The following SERGEF variants were observed in gnomAD, a reference collection of about 807,000 sequenced individuals.
The protein encoded by SERGEF is secretion regulating guanine nucleotide exchange factor.
Under a neutral mutation model 50.0 loss-of-function variants are expected in SERGEF, and 51 were observed. The observed-to-expected ratio is 1.02, with a 90% CI of 0.81 to 1.29. SERGEF has a LOEUF of 1.29. Among genes scored for constraint, SERGEF ranks in the 50% most tolerant of loss-of-function variants. SERGEF has a pLI of 0.00. For missense variants in SERGEF, 521 were observed against 557.0 expected (o/e 0.94, Z 0.65); for synonymous variants, 205 against 212.4 (o/e 0.97, Z 0.30).
At chr11:17,890,342 T>C (rs756957357) in intron 9 of SERGEF, among the ~76,000 whole-genome samples, 4 of 152,160 alleles carry the variant, frequency 2.6e-5, no homozygotes, top group African/African-American at 7.2e-5. Context: ...GAGTGAGATA[T>C]AGAAGGAACT....
At chr11:17,847,908 A>G (rs1015844288) in intron 10 of SERGEF, among the ~76,000 whole-genome samples, 1 of 152,198 alleles carries the variant, frequency 6.6e-6, no homozygotes, top group African/African-American at 2.4e-5. Flanking sequence ...TGAACTGCCA[A>G]GTTTGAGAAC....
intron 10 of SERGEF, among the ~76,000 whole-genome samples, chr11:17,793,605 A>T (rs1240805423): frequency 6.6e-6 from 1 of 152,238 alleles, no homozygotes; most frequent in Admixed American, 6.5e-5. Flanking sequence ...TGGAACGTCC[A>T]GTTTTCAAAA....
intron 8 of SERGEF, among the ~76,000 whole-genome samples, chr11:17,976,823 C>A (rs1370011646): frequency 1.3e-5 from 2 of 152,240 alleles, no homozygotes; most frequent in Non-Finnish European, 2.9e-5. Context: ...ACACCCTTCC[C>A]AGAACCATCT....
At chr11:17,982,144 G>C (rs1057217147) in intron 8 of SERGEF, among the ~76,000 whole-genome samples, 19 of 152,118 alleles carry the variant, frequency 1.2e-4, no homozygotes, top group African/African-American at 4.3e-4. Flanking sequence ...GTCATTCCTG[G>C]TTCAGGTCCC....
intron 9 of SERGEF, among the ~76,000 whole-genome samples, chr11:17,885,929 T>A (rs565831961): frequency 1.3e-5 from 2 of 152,298 alleles, no homozygotes; most frequent in Admixed American, 1.3e-4. Flanking sequence ...CCACTTGCCT[T>A]GGCTATAGTT....
intron 10 of SERGEF, among the ~76,000 whole-genome samples, chr11:17,817,621 T>C (rs1337278418): frequency 6.6e-6 from 1 of 152,206 alleles, no homozygotes; most frequent in Non-Finnish European, 1.5e-5. Flanking sequence ...ATTAAATTAT[T>C]TGATCAATAT....
chr11:17,923,907 G>A (rs147174234), intron 9 of SERGEF, among the ~76,000 whole-genome samples: 57 of 152,290 alleles, frequency 3.7e-4, no homozygotes, highest in African/African-American at 1.3e-3. Context: ...GTGTCATACT[G>A]AACTTTATAT....
At chr11:18,011,565 T>C (rs893683937) in intron 1 of SERGEF, among the ~76,000 whole-genome samples, 1 of 152,182 alleles carries the variant, frequency 6.6e-6, no homozygotes. Context: ...TGGTATTTTG[T>C]TATGGTAGCC....
rs767301814 is a variant in SERGEF, at chr11:17,959,580, A to C, written c.901T>G (p.Leu301Val). 6.2e-7 allele frequency: 1 copy of C among 1,614,054 alleles called. No individual in the cohort carries two copies. The highest frequency in any genetic ancestry group is 1.1e-5 in the South Asian group (1 of 91,074). ...RADYGQLGRK[L>V]ETYEGWKLEK... is the part of the protein sequence containing the mutation. ...AGTTTCCAGCCTTCATAAGTCTCCA[A>C]CTTCCTCCCTAGCTGACCATAGTCT... Residue 301 changes from leucine (L) to valine (V), a missense_variant, in exon 9 of 11, where the codon TTG (leucine) becomes GTG (valine). Coordinates refer to ENST00000265965, the MANE Select transcript of SERGEF (RefSeq NM_012139.4).
chr11:17,883,905 C>T (rs373018791), intron 9 of SERGEF, among the ~76,000 whole-genome samples: 7 of 135,974 alleles, frequency 5.1e-5, no homozygotes, highest in African/African-American at 1.4e-4. Flanking sequence ...GGCGACAGAA[C>T]GCCGCCAGAT....
chr11:17,993,072 C>T, intron 6 of SERGEF, 79 bp from the exon 7 acceptor site: 1 of 1,192,984 alleles, frequency 8.4e-7, no homozygotes, highest in Non-Finnish European at 1.2e-6. Context: ...CAGCCAGTAC[C>T]ACCTGGGCGT....
chr11:17,851,289 T>C (rs546537320), intron 10 of SERGEF, among the ~76,000 whole-genome samples: 14 of 152,312 alleles, frequency 9.2e-5, no homozygotes, highest in Non-Finnish European at 1.6e-4. Flanking sequence ...ACTGTTAAGT[T>C]ACAGAGTTAG....
chr11:17,993,028 T>A, intron 6 of SERGEF, 35 bp from the exon 7 acceptor site: 1 of 1,586,404 alleles, frequency 6.3e-7, no homozygotes, highest in East Asian at 2.2e-5. Flanking sequence ...GAATTACATT[T>A]ATAACAGAAC....
intron 9 of SERGEF, among the ~76,000 whole-genome samples, chr11:17,906,687 G>C (rs1851848339): frequency 6.6e-6 from 1 of 152,172 alleles, no homozygotes; most frequent in African/African-American, 2.4e-5. Flanking sequence ...CTCCTGGCAT[G>C]CCAATCAGAT....
rs572052988 is a variant in SERGEF at position 17,948,017 on chromosome 11, A to G, written c.1011+11453T>C. Among the ~76,000 whole-genome samples, 7 of 150,772 alleles carry G rather than the reference A, an allele frequency of 4.6e-5. No individual in the cohort carries two copies. In the South Asian group the frequency reaches 1.5e-3, roughly 32 times the overall value. On this transcript the variant is annotated intron_variant, in intron 9 of 10. Coordinates refer to ENST00000265965, the MANE Select transcript of SERGEF (RefSeq NM_012139.4). ...ACCCAGGCTGGAGTACAGTAGCACA[A>G]TCTCAGCTAACTGCAACCTCCATTT...
At chr11:17,816,942 C>G (rs1247482557) in intron 10 of SERGEF, among the ~76,000 whole-genome samples, 1 of 152,116 alleles carries the variant, frequency 6.6e-6, no homozygotes, top group Non-Finnish European at 1.5e-5. Context: ...TGTGATATAC[C>G]AAATGGTCCT....
rs779247412 is a variant in SERGEF at position 17,788,071 on chromosome 11, T to C, written c.*14A>G. On this transcript the variant is annotated 3_prime_UTR_variant, in exon 11 of 11. Transcript: ENST00000265965. ...GCTTTTGGTGGGAAAAGCCACTTTA[T>C]TAAAGATTCTCTATCACAGTCCCCC... is the stretch of plus-strand genomic sequence containing the variant. 2 of 1,504,368 alleles carry C rather than the reference T, an allele frequency of 1.3e-6. No individual in the cohort carries two copies. The highest frequency in any genetic ancestry group is 2.7e-5 in the South Asian group (2 of 72,962). 93.2% of individuals were successfully genotyped at this position (1,504,368 alleles called of 1,614,324 possible).
At chr11:17,859,502 G>A (rs1008996992) in intron 10 of SERGEF, among the ~76,000 whole-genome samples, 7 of 151,966 alleles carry the variant, frequency 4.6e-5, no homozygotes, top group African/African-American at 1.7e-4. Context: ...ACAGAACAAA[G>A]AAAAATAAGG....
At chr11:17,811,970 G>C (rs544905585) in intron 10 of SERGEF, among the ~76,000 whole-genome samples, 1 of 152,294 alleles carries the variant, frequency 6.6e-6, no homozygotes, top group East Asian at 1.9e-4. Flanking sequence ...TCAATGCATG[G>C]GTGAATGAAA....
Sources: gnomAD v4.1 joint callset for allele counts (sites outside exome capture counted in the v4.1 genomes callset) on GRCh38, gnomAD v4.1.1 for gene constraint, MANE v1.5 for transcripts, NCBI Gene and HGNC (gene_info 2026-07-23, HGNC 2026-07-21) for gene names.